The following KY variants were observed in gnomAD, a reference collection of about 807,000 sequenced individuals.
The protein encoded by KY is kyphoscoliosis peptidase.
A neutral mutation model predicts 76.1 loss-of-function variants in KY; 43 were observed. The ratio of observed to expected loss-of-function variants is 0.57; its 90% CI spans 0.44 to 0.73. KY has a LOEUF of 0.73. Among genes scored for constraint, KY ranks in the 30% least tolerant of loss-of-function variants. KY has a pLI of 0.00. For synonymous variants in KY, 277 were observed against 326.2 expected (o/e 0.85, Z 1.63); for missense variants, 722 against 828.9 (o/e 0.87, Z 1.58).
rs1959061443 is a variant in KY, at chr3:134,603,587, C to G, written c.1978G>C (p.Ala660Pro). 2 of 1,577,968 alleles carry G rather than the reference C, an allele frequency of 1.3e-6. No individual in the cohort carries two copies. The highest frequency in any genetic ancestry group is 2.7e-5 in the African/African-American group (2 of 74,484). Residue 660 changes from alanine (A) to proline (P), a missense_variant, in exon 11 of 11, where the codon GCC becomes CCC. Ala to Pro is a conservative substitution (Grantham distance 27, BLOSUM62 -1). This residue lies in a region of KY where 552 missense variants were observed against 680.9 expected (regional missense o/e 0.81). Coordinates refer to ENST00000423778, the MANE Select transcript of KY (RefSeq NM_178554.6). Reference sequence around the variant, plus strand: ...AGACCGGGGCACAGCCCTCACTGGGCATTCACTTTGTATTTCAGGATGTAG... The same window carrying G: ...AGACCGGGGCACAGCCCTCACTGGGGATTCACTTTGTATTTCAGGATGTAG... The part of the protein sequence containing the change: ...YSYILKYKVN[A>P]Q
At chr3:134,609,272 G>T (rs529803549) in intron 9 of KY, among the ~76,000 whole-genome samples, 14 of 152,326 alleles carry the variant, frequency 9.2e-5, no homozygotes, top group South Asian at 4.1e-4. Flanking sequence ...ACCTTTTGTG[G>T]CTCTCCAGGG....
chr3:134,646,926 T>G (rs971727743), intron 2 of KY, among the ~76,000 whole-genome samples: 1 of 152,136 alleles, frequency 6.6e-6, no homozygotes, highest in African/African-American at 2.4e-5. Flanking sequence ...ATCCTGGGCC[T>G]GGGGTGGCAG....
chr3:134,600,443 A>G lies in KY; in HGVS notation c.*3136T>C, dbSNP rs1958914298. On this transcript the variant is annotated 3_prime_UTR_variant, in exon 11 of 11. Transcript: ENST00000423778. ...TTACTTTTAATCTTAGCAGGCAGTG[A>G]GGAGGCTGTCCTGGTAGGACAATGT... 6.6e-6 allele frequency among the ~76,000 whole-genome samples: 1 copy of G among 152,210 alleles called. No individual in the cohort carries two copies. Among genetic ancestry groups the G allele is most frequent in the Non-Finnish European group, 1.5e-5 (1 of 68,026 alleles).
At position 134,600,190 on chromosome 3, in the gene KY, A is replaced by AG. The variant is rs1958902687; in HGVS notation, c.*3388dup. 6.6e-6 allele frequency among the ~76,000 whole-genome samples: 1 copy of AG among 152,266 alleles called. No individual in the cohort carries two copies. The highest frequency in any genetic ancestry group is 2.4e-5 in the African/African-American group (1 of 41,476). On this transcript the variant is annotated 3_prime_UTR_variant, in exon 11 of 11. Transcript: ENST00000423778. The stretch of plus-strand genomic sequence containing the variant: ...TGTTAACCCTCTGTTTGCTGCAGGC[A>AG]GACCAGGATATCTCAGGAATTAATT...
At chr3:134,645,125 C>T (rs573898569) in intron 2 of KY, among the ~76,000 whole-genome samples, 2 of 152,176 alleles carry the variant, frequency 1.3e-5, no homozygotes, top group Admixed American at 6.5e-5. Flanking sequence ...AGCTGTGGGG[C>T]GTCTGTCCCT....
chr3:134,611,496 A>AG (rs1199548729), intron 8 of KY, among the ~76,000 whole-genome samples: 1 of 152,226 alleles, frequency 6.6e-6, no homozygotes, highest in African/African-American at 2.4e-5. Flanking sequence ...ATCCCATGCT[A>AG]GCCCTCCTAG....
chr3:134,647,043 T>G lies in KY; in HGVS notation c.199+392A>C, dbSNP rs892928484. ...ACCCTTGAGTGGCATCTTCTCAGGC[T>G]TCAAGTCATACTGTCCCAAGGCAGA... On this transcript the variant is annotated intron_variant, in intron 2 of 10. Coordinates refer to ENST00000423778, the MANE Select transcript of KY (RefSeq NM_178554.6). Among the ~76,000 whole-genome samples the G allele has an allele frequency of 8.5e-5, 13 of 152,354 alleles. No homozygotes were observed. In the East Asian group the frequency reaches 2.5e-3, roughly 29 times the overall value.
At chr3:134,606,855 A>C in intron 10 of KY, 6 of 906,560 alleles carry the variant, frequency 6.6e-6, no homozygotes, top group South Asian at 5.1e-5. Flanking sequence ...GCACTCTCCT[A>C]GAGCCTGGCA....
intron 3 of KY, among the ~76,000 whole-genome samples, chr3:134,636,571 G>C (rs916295566): frequency 1.3e-5 from 2 of 152,192 alleles, no homozygotes; most frequent in Non-Finnish European, 2.9e-5. Context: ...TCCCAGACCA[G>C]CTGGTCTCCA....
At chr3:134,643,294 C>A (rs759967209) in intron 3 of KY, 22 bp downstream of exon 3, 2 of 1,612,408 alleles carry the variant, frequency 1.2e-6, no homozygotes, top group Admixed American at 3.3e-5. Context: ...GGGGAGGTCA[C>A]GGCTAGCGGC....
At chr3:134,619,407 G>A in intron 7 of KY, 142 bp from the exon 8 acceptor site, 1 of 663,900 alleles carries the variant, frequency 1.5e-6, no homozygotes. Flanking sequence ...CAGCACAAAT[G>A]GGATCTGGGA....
At chr3:134,635,852 G>C (rs1964895067) in intron 3 of KY, among the ~76,000 whole-genome samples, 1 of 152,204 alleles carries the variant, frequency 6.6e-6, no homozygotes, top group Non-Finnish European at 1.5e-5. Flanking sequence ...ACTCCTTTAA[G>C]ACTTCATTTC....
intron 2 of KY, among the ~76,000 whole-genome samples, chr3:134,645,409 C>A (rs1248234304): frequency 6.6e-6 from 1 of 152,210 alleles, no homozygotes; most frequent in African/African-American, 2.4e-5. Context: ...CCAGCACATG[C>A]CATCAGCCAC....
At chr3:134,607,651 G>C (rs1210790971) in intron 10 of KY, 1 of 985,572 alleles carries the variant, frequency 1.0e-6, no homozygotes, top group African/African-American at 1.7e-5. Context: ...AGAAGGCCCT[G>C]CTTTTTTGTG....
intron 5 of KY, among the ~76,000 whole-genome samples, chr3:134,627,142 C>T (rs1963562882): frequency 6.6e-6 from 1 of 152,160 alleles, no homozygotes; most frequent in African/African-American, 2.4e-5. Flanking sequence ...ATGATTTATG[C>T]CTCATTAAAT....
chr3:134,608,639 C>G lies in KY; in HGVS notation c.1090+10G>C. 6.2e-7 allele frequency: 1 copy of G among 1,614,010 alleles called. No individual in the cohort carries two copies. On this transcript the variant is annotated intron_variant, in intron 10 of 10. Coordinates refer to ENST00000423778, the MANE Select transcript of KY (RefSeq NM_178554.6). ...TGCTGCTAGCACACTGGCACCTGCT[C>G]CGGGCTCACCTGTTCTGATCATGGA...
intron 5 of KY, among the ~76,000 whole-genome samples, chr3:134,627,129 C>A (rs1963560121): frequency 6.6e-6 from 1 of 152,150 alleles, no homozygotes; most frequent in Non-Finnish European, 1.5e-5. Context: ...ATTAAAAATG[C>A]CCATGATTTA....
Position 134,600,481 on chromosome 3 carries a change from A to T in KY, c.*3098T>A, listed in dbSNP as rs1958915610. ...GGTAGGACAATGTAACATATGGGGA[A>T]CTCACAATGATCATAATCAGATTGA... On this transcript the variant is annotated 3_prime_UTR_variant, in exon 11 of 11. Transcript: ENST00000423778. Among the ~76,000 whole-genome samples the T allele has an allele frequency of 6.6e-6, 1 of 152,184 alleles. No homozygotes were observed. Among genetic ancestry groups the T allele is most frequent in the Non-Finnish European group, 1.5e-5 (1 of 68,020 alleles).
chr3:134,612,751 C>CTGTGTGTGTG (rs35084772), intron 8 of KY, among the ~76,000 whole-genome samples: 10,256 of 125,316 alleles, frequency 0.082, 600 homozygotes, highest in East Asian at 0.15. Context: ...CACGCCGATG[C>CTGTGTGTGTG]TGTGTGTGTG....
Sources: gnomAD v4.1 joint callset for allele counts (sites outside exome capture counted in the v4.1 genomes callset) on GRCh38, gnomAD v4.1.1 for gene constraint, gnomAD v4.1.1 regional missense constraint, MANE v1.5 for transcripts, NCBI Gene and HGNC (gene_info 2026-07-23, HGNC 2026-07-21) for gene names.